Variants in HINT3 observed in about 807,000 individuals in gnomAD.
HINT3 encodes adenosine 5'-monophosphoramidase HINT3.
A neutral mutation model predicts 19.1 loss-of-function variants in HINT3; 16 were observed. The ratio of observed to expected loss-of-function variants is 0.84; its 90% CI spans 0.57 to 1.27. The LOEUF is 1.27. Ranked by LOEUF, HINT3 falls within the 50% of genes most tolerant of loss-of-function variation. The pLI is 0.00. For missense variants in HINT3, 197 were observed against 225.8 expected (o/e 0.87, Z 0.82); for synonymous variants, 75 against 84.8 (o/e 0.88, Z 0.63).
At chr6:125,967,465 G>A (rs1789035714) in intron 2 of HINT3, among the ~76,000 whole-genome samples, 1 of 151,654 alleles carries the variant, frequency 6.6e-6, no homozygotes, top group South Asian at 2.1e-4. Context: ...CCAAGTAGCT[G>A]GGTTTACAGG....
At chr6:125,959,150 G>A (rs1264577080) in intron 1 of HINT3, among the ~76,000 whole-genome samples, 1 of 152,158 alleles carries the variant, frequency 6.6e-6, no homozygotes, top group Admixed American at 6.5e-5. Context: ...GGATAGTCTA[G>A]CACTCTGTAG....
chr6:125,976,112 C>T (rs542671896), intron 4 of HINT3, among the ~76,000 whole-genome samples: 25 of 152,114 alleles, frequency 1.6e-4, no homozygotes, highest in Non-Finnish European at 3.4e-4. Flanking sequence ...ATTTATTTAT[C>T]ATTAGTTAAT....
rs1562212299 is a variant in HINT3, at chr6:125,962,269, TACATACATATATATATACAC to T, written c.202-4616_202-4597del. 1.1e-3 allele frequency among the ~76,000 whole-genome samples: 23 copies of T among 21,298 alleles called. 1 individual carries two copies. The highest frequency in any genetic ancestry group is 4.4e-3 in the African/African-American group (20 of 4,506). The allele number at this position is 21,298 out of a possible 152,430, so 14.0% of individuals were successfully genotyped here. The stretch of plus-strand genomic sequence containing the variant: ...ATATATACACACATATATATATATA[TACATACATATATATATACAC>T]ATATATATATATATATATCACACAT... On this transcript the variant is annotated intron_variant, in intron 1 of 4. Coordinates refer to ENST00000229633, the MANE Select transcript of HINT3 (RefSeq NM_138571.5).
At chr6:125,972,150 A>G in intron 2 of HINT3, 109 bp from the exon 3 acceptor site, 2 of 703,726 alleles carry the variant, frequency 2.8e-6, no homozygotes, top group Non-Finnish European at 4.9e-6. Flanking sequence ...CCTGGCCTGA[A>G]TGTGTCTTTA....
chr6:125,976,009 C>G (rs1789173948), intron 4 of HINT3, among the ~76,000 whole-genome samples: 1 of 152,136 alleles, frequency 6.6e-6, no homozygotes, highest in Non-Finnish European at 1.5e-5. Context: ...CCCTCTAAGG[C>G]CAATTGACCA....
At chr6:125,957,820 T>C (rs577889017) in intron 1 of HINT3, among the ~76,000 whole-genome samples, 9 of 152,346 alleles carry the variant, frequency 5.9e-5, no homozygotes, top group African/African-American at 2.2e-4. Flanking sequence ...CTTTATTCTG[T>C]TGGTTTTACT....
At chr6:125,976,517 G>GTT (rs756368776) in intron 4 of HINT3, among the ~76,000 whole-genome samples, 81 of 113,066 alleles carry the variant, frequency 7.2e-4, no homozygotes, top group African/African-American at 2.3e-3. Flanking sequence ...GCTGGTTTGG[G>GTT]TTTTTTTTTT....
chr6:125,963,504 A>C (rs1335981093), intron 1 of HINT3, among the ~76,000 whole-genome samples: 1 of 152,176 alleles, frequency 6.6e-6, no homozygotes, highest in Non-Finnish European at 1.5e-5. Flanking sequence ...GATTTAAAGA[A>C]ATCTGAAACA....
intron 2 of HINT3, among the ~76,000 whole-genome samples, chr6:125,970,276 C>T (rs1789080248): frequency 1.3e-5 from 2 of 152,122 alleles, no homozygotes; most frequent in South Asian, 4.2e-4. Context: ...ACTACAGTAC[C>T]CTGTACTGTA....
At chr6:125,977,338 T>C (rs1789194014) in intron 4 of HINT3, among the ~76,000 whole-genome samples, 1 of 152,220 alleles carries the variant, frequency 6.6e-6, no homozygotes, top group Admixed American at 6.5e-5. Flanking sequence ...GATTGGCTTC[T>C]TTCACTTAGT....
intron 2 of HINT3, among the ~76,000 whole-genome samples, chr6:125,971,955 C>T (rs1260399979): frequency 3.3e-5 from 5 of 152,104 alleles, no homozygotes; most frequent in African/African-American, 1.2e-4. Flanking sequence ...TCGTGATCCG[C>T]CTGCCTCGGC....
intron 3 of HINT3, 146 bp downstream of exon 3, chr6:125,972,474 T>C (rs1789115689): frequency 1.2e-5 from 6 of 512,792 alleles, no homozygotes; most frequent in Non-Finnish European, 2.0e-5. Context: ...TCATTGGTAG[T>C]ATAAATGTAA....
chr6:125,975,584 G>GTTTTTTTT lies in HINT3; in HGVS notation c.516+618_516+625dup, dbSNP rs397694163. Among the ~76,000 whole-genome samples, 158 of 145,184 alleles carry GTTTTTTTT rather than the reference G, an allele frequency of 1.1e-3. 4 individuals are homozygous for GTTTTTTTT. Among genetic ancestry groups the GTTTTTTTT allele is most frequent in the African/African-American group, 3.9e-3 (151 of 39,152 alleles). On this transcript the variant is annotated intron_variant, in intron 4 of 4. Coordinates refer to ENST00000229633, the MANE Select transcript of HINT3 (RefSeq NM_138571.5). ...CTATCAGATCTGTGGCTGAAGAGTT[G>GTTTTTTTT]TTTTTTTTTTTTTTGAGACAGTCTC...
At chr6:125,966,301 C>T (rs577542259) in intron 1 of HINT3, among the ~76,000 whole-genome samples, 2 of 152,236 alleles carry the variant, frequency 1.3e-5, no homozygotes, top group South Asian at 4.1e-4. Context: ...GTGTAGTGGT[C>T]CCATAAATTA....
At chr6:125,962,253 C>CACATATATATATATATACAT (rs1788948654) in intron 1 of HINT3, among the ~76,000 whole-genome samples, 2 of 12,656 alleles carry the variant, frequency 1.6e-4, no homozygotes, top group Non-Finnish European at 2.6e-4. Flanking sequence ...TATATATACA[C>CACATATATATATATATACAT]ACATATATAT....
At chr6:125,968,596 T>C (rs1789051562) in intron 2 of HINT3, among the ~76,000 whole-genome samples, 1 of 152,222 alleles carries the variant, frequency 6.6e-6, no homozygotes. Flanking sequence ...CAAACTGCTT[T>C]CCACAGTGGC....
intron 1 of HINT3, among the ~76,000 whole-genome samples, chr6:125,965,741 G>T (rs913189001): frequency 1.3e-5 from 2 of 152,126 alleles, no homozygotes; most frequent in African/African-American, 4.8e-5. Flanking sequence ...TACAGAGAGA[G>T]ACCCTGTCTG....
chr6:125,967,478 T>C (rs899506184), intron 2 of HINT3, among the ~76,000 whole-genome samples: 1 of 151,966 alleles, frequency 6.6e-6, no homozygotes, highest in Non-Finnish European at 1.5e-5. Context: ...TTTACAGGCA[T>C]GCGCCACAAT....
intron 2 of HINT3, among the ~76,000 whole-genome samples, chr6:125,967,662 T>C (rs1475548280): frequency 1.3e-5 from 2 of 152,174 alleles, no homozygotes; most frequent in Non-Finnish European, 2.9e-5. Context: ...TGATGGACTT[T>C]CTTGACTCTG....
Sources: allele counts gnomAD v4.1 joint callset (sites outside exome capture counted in the v4.1 genomes callset), GRCh38; gene constraint gnomAD v4.1.1; transcripts MANE v1.5; gene names NCBI Gene and HGNC (gene_info 2026-07-23, HGNC 2026-07-21).